The following TTC17 variants were observed in gnomAD, a reference collection of about 807,000 sequenced individuals.
TTC17 encodes the protein tetratricopeptide repeat domain 17, also known as tetratricopeptide repeat protein 17.
TTC17 carries 58 observed loss-of-function variants against 143.8 expected under a neutral mutation model. The ratio of observed to expected loss-of-function variants is 0.40; its 90% CI spans 0.33 to 0.50. The LOEUF is 0.50. TTC17 is among the 20% of genes least tolerant of loss of function. TTC17 has a pLI of 0.49. For synonymous variants in TTC17, 501 were observed against 497.8 expected (o/e 1.01, Z -0.09); for missense variants, 1,273 against 1,392.5 (o/e 0.91, Z 1.37).
At chr11:43,414,845 C>A in intron 16 of TTC17, 69 bp downstream of exon 16, 1 of 1,498,680 alleles carries the variant, frequency 6.7e-7, no homozygotes, top group Non-Finnish European at 9.1e-7. Context: ...CAAAAGAACA[C>A]AGAAAATGAT....
At chr11:43,371,604 A>G (rs1452703971) in intron 1 of TTC17, among the ~76,000 whole-genome samples, 2 of 152,108 alleles carry the variant, frequency 1.3e-5, no homozygotes, top group African/African-American at 4.8e-5. Context: ...TGGAGGCTTT[A>G]TTACATGGGC....
In TTC17 at chr11:43,399,757, G is replaced by A. The variant is rs888193480; in HGVS notation, c.1059-131G>A. On this transcript the variant is annotated intron_variant, in intron 8 of 23. Transcript: ENST00000039989. ...TAGTATTCTTGAACTGGTGATACAG[G>A]GTTGTATGTTAAATAAAAGGAAAAC... The A allele has an allele frequency of 6.0e-6, 5 of 834,352 alleles. No homozygotes were observed. In the African/African-American group the frequency reaches 7.0e-5, roughly 12 times the overall value. 51.7% of individuals were successfully genotyped at this position (834,352 alleles called of 1,614,324 possible).
At chr11:43,399,492 C>G (rs1400360919) in intron 8 of TTC17, among the ~76,000 whole-genome samples, 1 of 152,044 alleles carries the variant, frequency 6.6e-6, no homozygotes, top group Non-Finnish European at 1.5e-5. Context: ...CTGGGCAACA[C>G]AGCAAGACCC....
chr11:43,382,894 C>CT (rs573229021), intron 2 of TTC17, among the ~76,000 whole-genome samples: 3 of 147,698 alleles, frequency 2.0e-5, no homozygotes, highest in African/African-American at 8.0e-5. Context: ...TTTTTATTTT[C>CT]TTTTTTTTCT....
At chr11:43,382,010 A>G (rs1489358664) in intron 2 of TTC17, among the ~76,000 whole-genome samples, 3 of 152,222 alleles carry the variant, frequency 2.0e-5, no homozygotes, top group African/African-American at 7.2e-5. Flanking sequence ...TCAAGGGGAA[A>G]GATGCAGGCT....
chr11:43,434,761 C>T (rs1422254501), intron 16 of TTC17, among the ~76,000 whole-genome samples: 1 of 152,138 alleles, frequency 6.6e-6, no homozygotes, highest in Non-Finnish European at 1.5e-5. Context: ...TTCTTGAGAG[C>T]TAAAACTCTT....
At chr11:43,470,084 TAAAAC>T (rs752395820) in intron 21 of TTC17, among the ~76,000 whole-genome samples, 5 of 152,068 alleles carry the variant, frequency 3.3e-5, no homozygotes, top group Non-Finnish European at 2.9e-5. Flanking sequence ...ACAACAATAA[TAAAAC>T]AATAAAAGGC....
intron 21 of TTC17, among the ~76,000 whole-genome samples, chr11:43,472,218 G>A (rs1303843769): frequency 6.6e-6 from 1 of 152,102 alleles, no homozygotes; most frequent in Non-Finnish European, 1.5e-5. Flanking sequence ...ACCTAGCCAA[G>A]CATAGTAGCA....
intron 21 of TTC17, among the ~76,000 whole-genome samples, chr11:43,471,178 A>G (rs1160985798): frequency 1.3e-5 from 2 of 152,210 alleles, no homozygotes. Flanking sequence ...CTAGACTTGC[A>G]TCAAGCTGCT....
intron 1 of TTC17, among the ~76,000 whole-genome samples, chr11:43,362,598 TG>T (rs1446995375): frequency 1.3e-5 from 2 of 152,116 alleles, no homozygotes; most frequent in Non-Finnish European, 2.9e-5. Flanking sequence ...CTTGGCATGA[TG>T]GTTAAAGGAA....
intron 3 of TTC17, chr11:43,390,270 C>T (rs1857326683): frequency 6.5e-6 from 1 of 152,930 alleles, no homozygotes; most frequent in African/African-American, 2.4e-5. Flanking sequence ...ATGATGGTGC[C>T]ACTCTACCCT....
rs551037505 is a variant in TTC17 at position 43,378,154 on chromosome 11, C to T, written c.160-1079C>T. Among the ~76,000 whole-genome samples the T allele has an allele frequency of 1.3e-4, 20 of 152,312 alleles. No homozygotes were observed. In the East Asian group the frequency reaches 1.5e-3, roughly 12 times the overall value. ...TCAACCTCAGGTGATCCACCTGCCTCGGCCTCCCAAAGTGCTGGGCTTACA... is the reference window on the plus strand; with the variant it reads ...TCAACCTCAGGTGATCCACCTGCCTTGGCCTCCCAAAGTGCTGGGCTTACA... On this transcript the variant is annotated intron_variant, in intron 1 of 23. Transcript: ENST00000039989.
intron 2 of TTC17, among the ~76,000 whole-genome samples, chr11:43,387,555 T>C (rs1245645874): frequency 6.6e-6 from 1 of 152,174 alleles, no homozygotes; most frequent in Non-Finnish European, 1.5e-5. Context: ...AAGGTCATGC[T>C]AAGTGATCAT....
intron 16 of TTC17, among the ~76,000 whole-genome samples, chr11:43,421,307 A>G (rs529049869): frequency 2.0e-5 from 3 of 152,320 alleles, no homozygotes; most frequent in African/African-American, 7.2e-5. Flanking sequence ...AGGAATAGCA[A>G]GGAGGGCTTT....
intron 2 of TTC17, 48 bp downstream of exon 2, chr11:43,379,370 A>G: frequency 6.6e-7 from 1 of 1,516,476 alleles, no homozygotes; most frequent in South Asian, 1.2e-5. Context: ...GTTGCATTTC[A>G]CAGGAGCCAT....
At chr11:43,379,015 G>T in intron 1 of TTC17, 1 of 497,186 alleles carries the variant, frequency 2.0e-6, no homozygotes, top group East Asian at 3.8e-5. Context: ...TTGAATGCTT[G>T]TTCTTCCAAG....
intron 15 of TTC17, among the ~76,000 whole-genome samples, chr11:43,410,841 C>T (rs1173927755): frequency 6.6e-6 from 1 of 152,172 alleles, no homozygotes; most frequent in Non-Finnish European, 1.5e-5. Flanking sequence ...TCCTTCATAC[C>T]TTTCTCCTGT....
At chr11:43,373,525 G>A (rs779109622) in intron 1 of TTC17, among the ~76,000 whole-genome samples, 9 of 151,840 alleles carry the variant, frequency 5.9e-5, no homozygotes, top group Non-Finnish European at 1.0e-4. Flanking sequence ...AGGTTTCACC[G>A]TGTTAGCCAG....
chr11:43,375,967 G>A (rs1369046564), intron 1 of TTC17, among the ~76,000 whole-genome samples: 1 of 151,960 alleles, frequency 6.6e-6, no homozygotes, highest in Non-Finnish European at 1.5e-5. Context: ...ACAATATCTT[G>A]GTTAATTAAA....
Sources: gnomAD v4.1 joint callset for allele counts (sites outside exome capture counted in the v4.1 genomes callset) on GRCh38, gnomAD v4.1.1 for gene constraint, MANE v1.5 for transcripts, NCBI Gene and HGNC (gene_info 2026-07-23, HGNC 2026-07-21) for gene names.